ADAMTS17: variants seen among roughly 807,000 people sequenced by gnomAD.
ADAMTS17 encodes A disintegrin and metalloproteinase with thrombospondin motifs 17.
A neutral mutation model predicts 141.5 loss-of-function variants in ADAMTS17; 113 were observed. The ratio of observed to expected loss-of-function variants is 0.80; its 90% confidence interval spans 0.69 to 0.93. The LOEUF (loss-of-function observed/expected upper bound fraction) is 0.93. Among genes scored for constraint, ADAMTS17 ranks in the 40% least tolerant of loss-of-function variants. The pLI is 0.00. For missense variants in ADAMTS17, 1,659 were observed against 1,517.9 expected, an observed-to-expected ratio of 1.09 and a Z score of -1.54; for synonymous variants, 768 against 630.6, an observed-to-expected ratio of 1.22 and a Z score of -3.27.
rs76019906 is a variant in ADAMTS17 at position 100,097,084 on chromosome 15, G to A, written c.2017-608C>T. On this transcript the variant is annotated intron_variant, in intron 14 of 21. Transcript: ENST00000268070. ...TCAACAAGGCACGTCTGAGAGCAGA[G>A]GAGAGGCTGCCTCTACCCTAGGTGG... Among the ~76,000 whole-genome samples, 17 of 152,310 alleles carry A rather than the reference G, an allele frequency of 1.1e-4. No individual in the cohort carries two copies. In the East Asian group the frequency reaches 3.3e-3, roughly 29 times the overall value.
intron 6 of ADAMTS17, 95 bp downstream of exon 6, chr15:100,261,384 C>T: frequency 6.4e-7 from 1 of 1,574,276 alleles, no homozygotes; most frequent in Non-Finnish European, 8.7e-7. Context: ...GGTCTGATTT[C>T]CAAGCCTGAG....
chr15:100,249,717 G>A (rs1370761820), intron 7 of ADAMTS17, among the ~76,000 whole-genome samples: 1 of 152,198 alleles, frequency 6.6e-6, no homozygotes, highest in Non-Finnish European at 1.5e-5. Flanking sequence ...AATGCAGACT[G>A]GGCAGTGGAG....
chr15:100,286,020 G>A (rs1365290351), intron 3 of ADAMTS17, among the ~76,000 whole-genome samples: 1 of 152,154 alleles, frequency 6.6e-6, no homozygotes. Context: ...CGAACAGGGT[G>A]CTTCCCAGGG....
intron 15 of ADAMTS17, among the ~76,000 whole-genome samples, chr15:100,065,610 T>G (rs1334276534): frequency 6.6e-6 from 1 of 152,196 alleles, no homozygotes; most frequent in Non-Finnish European, 1.5e-5. Flanking sequence ...GTGTAATTCA[T>G]GATGTCATAG....
At chr15:100,025,708 C>T (rs2061500594) in intron 18 of ADAMTS17, among the ~76,000 whole-genome samples, 1 of 152,098 alleles carries the variant, frequency 6.6e-6, no homozygotes, top group Non-Finnish European at 1.5e-5. Context: ...GCCACCACGC[C>T]TTTTCTTTCA....
At chr15:100,056,850 TCA>T (rs1407136059) in intron 15 of ADAMTS17, among the ~76,000 whole-genome samples, 1 of 152,018 alleles carries the variant, frequency 6.6e-6, no homozygotes, top group African/African-American at 2.4e-5. Context: ...CCCAGGGAGC[TCA>T]CAGTTTGGAA....
At chr15:100,118,723 G>A (rs1596480908) in intron 12 of ADAMTS17, among the ~76,000 whole-genome samples, 1 of 152,144 alleles carries the variant, frequency 6.6e-6, no homozygotes, top group South Asian at 2.1e-4. Context: ...CATGGAAGGA[G>A]CACAGAAGGG....
chr15:100,124,976 A>C (rs1326694694), intron 12 of ADAMTS17, among the ~76,000 whole-genome samples: 3 of 152,210 alleles, frequency 2.0e-5, no homozygotes, highest in African/African-American at 7.2e-5. Context: ...AGGTAGAATC[A>C]AGAGAGGCTG....
At chr15:100,034,585 T>C (rs574521039) in intron 18 of ADAMTS17, among the ~76,000 whole-genome samples, 1 of 152,320 alleles carries the variant, frequency 6.6e-6, no homozygotes, top group East Asian at 1.9e-4. Flanking sequence ...TGTACACCAT[T>C]GTTTCTATCA....
At chr15:100,144,798 G>A (rs1490634555) in intron 10 of ADAMTS17, among the ~76,000 whole-genome samples, 1 of 151,768 alleles carries the variant, frequency 6.6e-6, no homozygotes, top group Non-Finnish European at 1.5e-5. Context: ...CGCCACCCCC[G>A]AGACCAGGGA....
intron 15 of ADAMTS17, among the ~76,000 whole-genome samples, chr15:100,088,198 GACAA>G (rs1410357819): frequency 2.0e-5 from 3 of 152,098 alleles, no homozygotes; most frequent in African/African-American, 7.2e-5. Flanking sequence ...ACCAATAACA[GACAA>G]ACAGAGAGCC....
chr15:100,000,543 C>T (rs565220267), intron 18 of ADAMTS17, among the ~76,000 whole-genome samples: 1 of 152,268 alleles, frequency 6.6e-6, no homozygotes, highest in South Asian at 2.1e-4. Context: ...GATGGAGTTT[C>T]GCTCTTGTCA....
intron 20 of ADAMTS17, among the ~76,000 whole-genome samples, chr15:99,983,762 C>T (rs1399699588): frequency 6.6e-6 from 1 of 152,152 alleles, no homozygotes; most frequent in Non-Finnish European, 1.5e-5. Flanking sequence ...AATGAATCCA[C>T]CCCCGTCCCC....
chr15:100,215,343 C>G (rs562062972), intron 7 of ADAMTS17, among the ~76,000 whole-genome samples: 1 of 152,324 alleles, frequency 6.6e-6, no homozygotes, highest in South Asian at 2.1e-4. Flanking sequence ...TCTGGAACAT[C>G]TACCAGATGG....
intron 8 of ADAMTS17, among the ~76,000 whole-genome samples, chr15:100,179,519 A>G (rs945256408): frequency 2.0e-5 from 3 of 152,226 alleles, no homozygotes; most frequent in Admixed American, 6.5e-5. Context: ...GAGTGCAGAT[A>G]TCTCTTTGAT....
intron 8 of ADAMTS17, among the ~76,000 whole-genome samples, chr15:100,177,628 G>A (rs2040382407): frequency 6.6e-6 from 1 of 152,186 alleles, no homozygotes; most frequent in Non-Finnish European, 1.5e-5. Flanking sequence ...GCTGTTGTTG[G>A]ATGAAGTGTT....
intron 7 of ADAMTS17, among the ~76,000 whole-genome samples, chr15:100,229,809 G>A (rs1039050704): frequency 2.6e-5 from 4 of 152,206 alleles, no homozygotes; most frequent in Non-Finnish European, 5.9e-5. Flanking sequence ...GAACGCAAGG[G>A]CAACTCTCTT....
Position 100,095,462 on chromosome 15 carries a change from G to T in ADAMTS17, c.2137+894C>A, listed in dbSNP as rs571151031. Among the ~76,000 whole-genome samples the T allele has an allele frequency of 6.6e-5, 10 of 152,244 alleles. No homozygotes were observed. The South Asian group carries it at 1.4e-3, about 22-fold the overall frequency. The stretch of plus-strand genomic sequence containing the variant: ...TTACGGGGCTGTTCTGTGAGACAGG[G>T]AGGCATAAATGTGCTTCTGTTCTCT... On this transcript the variant is annotated intron_variant, in intron 15 of 21. Coordinates refer to ENST00000268070, the MANE Select transcript of ADAMTS17 (RefSeq NM_139057.4).
At chr15:100,311,078 A>G (rs2045389097) in intron 3 of ADAMTS17, among the ~76,000 whole-genome samples, 1 of 152,130 alleles carries the variant, frequency 6.6e-6, no homozygotes, top group African/African-American at 2.4e-5. Context: ...AAAAAATGTA[A>G]CCCGAAAGCC....
Sources: allele counts gnomAD v4.1 joint callset (sites outside exome capture counted in the v4.1 genomes callset), GRCh38; gene constraint gnomAD v4.1.1; transcripts MANE v1.5; gene names NCBI Gene and HGNC (gene_info 2026-07-23, HGNC 2026-07-21).